MYO1E: variants seen among roughly 807,000 people sequenced by gnomAD.
MYO1E encodes unconventional myosin-Ie.
Under a neutral mutation model 151.1 loss-of-function variants are expected in MYO1E, and 68 were observed. The ratio of observed to expected loss-of-function variants is 0.45; its 90% CI spans 0.37 to 0.55. MYO1E has a LOEUF of 0.55. MYO1E is among the 20% of genes least tolerant of loss of function. The pLI is 0.00. For missense variants in MYO1E, 1,363 were observed against 1,389.3 expected (o/e 0.98, Z 0.30); for synonymous variants, 601 against 501.7 (o/e 1.20, Z -2.64).
intron 26 of MYO1E, among the ~76,000 whole-genome samples, chr15:59,145,718 T>G (rs963337732): frequency 1.3e-5 from 2 of 152,208 alleles, no homozygotes; most frequent in East Asian, 3.9e-4. Flanking sequence ...TCTATGCATT[T>G]GAAGTTATTA....
intron 1 of MYO1E, among the ~76,000 whole-genome samples, chr15:59,274,656 G>A (rs2080307668): frequency 6.6e-6 from 1 of 152,176 alleles, no homozygotes; most frequent in South Asian, 2.1e-4. Context: ...GTGTCATGGT[G>A]CGTATGTTTG....
intron 26 of MYO1E, among the ~76,000 whole-genome samples, chr15:59,149,695 T>C (rs1472547965): frequency 2.0e-5 from 3 of 152,222 alleles, no homozygotes; most frequent in African/African-American, 7.2e-5. Context: ...TTTATCCATA[T>C]TACATGATCC....
At chr15:59,286,481 G>T (rs554540704) in intron 1 of MYO1E, among the ~76,000 whole-genome samples, 1 of 152,172 alleles carries the variant, frequency 6.6e-6, no homozygotes, top group Admixed American at 6.5e-5. Context: ...TAAAGAGTTG[G>T]ATTTTAAGGA....
At chr15:59,153,295 A>C (rs1372688922) in intron 26 of MYO1E, among the ~76,000 whole-genome samples, 1 of 152,250 alleles carries the variant, frequency 6.6e-6, no homozygotes, top group East Asian at 1.9e-4. Context: ...CATGCAAGAA[A>C]GCACAAAGAG....
chr15:59,285,296 T>G (rs1394514899), intron 1 of MYO1E, among the ~76,000 whole-genome samples: 3 of 148,780 alleles, frequency 2.0e-5, no homozygotes, highest in African/African-American at 7.4e-5. Flanking sequence ...GACAGAAAGA[T>G]CACGTAAGGC....
chr15:59,217,857 T>C (rs920243933), intron 10 of MYO1E, 34 bp downstream of exon 10: 9 of 1,607,904 alleles, frequency 5.6e-6, no homozygotes, highest in Non-Finnish European at 7.7e-6. Flanking sequence ...AGCTAAGATA[T>C]GAAGCATCAC....
intron 1 of MYO1E, among the ~76,000 whole-genome samples, chr15:59,363,683 C>T (rs2080897941): frequency 1.3e-5 from 2 of 152,174 alleles, no homozygotes; most frequent in African/African-American, 4.8e-5. Flanking sequence ...AAAACCAACA[C>T]TGGTGCTAGA....
intron 1 of MYO1E, among the ~76,000 whole-genome samples, chr15:59,302,526 G>A (rs1380723576): frequency 1.3e-5 from 2 of 152,160 alleles, no homozygotes; most frequent in African/African-American, 4.8e-5. Flanking sequence ...GAGGCCAGGA[G>A]GAAAAGTTCT....
intron 1 of MYO1E, among the ~76,000 whole-genome samples, chr15:59,351,684 C>G (rs2080824027): frequency 6.6e-6 from 1 of 152,084 alleles, no homozygotes; most frequent in Non-Finnish European, 1.5e-5. Context: ...CACATCCAAA[C>G]TAGGGTGGCC....
At chr15:59,267,964 C>G (rs929124915) in intron 2 of MYO1E, among the ~76,000 whole-genome samples, 1 of 152,060 alleles carries the variant, frequency 6.6e-6, no homozygotes, top group East Asian at 1.9e-4. Flanking sequence ...TGCATTCAGC[C>G]TGAATGCATT....
chr15:59,252,194 G>C (rs529879459), intron 4 of MYO1E, among the ~76,000 whole-genome samples: 2 of 152,038 alleles, frequency 1.3e-5, no homozygotes, highest in Non-Finnish European at 2.9e-5. Context: ...CCCTAGCTTT[G>C]TACTTTTAAA....
In MYO1E at chr15:59,368,565, G is replaced by A. The variant is rs559075785; in HGVS notation, c.3+3933C>T. Among the ~76,000 whole-genome samples the A allele has an allele frequency of 2.6e-5, 4 of 152,008 alleles. No individual in the cohort carries two copies. In the East Asian group the frequency reaches 5.8e-4, roughly 22 times the overall value. ...TTGAGACCAGCCTGGCCAACATAGTGGAACCCCGTCTCCACTAAAAAATAC... is the reference window on the plus strand; with the variant it reads ...TTGAGACCAGCCTGGCCAACATAGTAGAACCCCGTCTCCACTAAAAAATAC... On this transcript the variant is annotated intron_variant, in intron 1 of 27. Transcript: ENST00000288235.
intron 19 of MYO1E, among the ~76,000 whole-genome samples, chr15:59,177,083 G>C (rs1198109598): frequency 6.6e-6 from 1 of 152,196 alleles, no homozygotes; most frequent in African/African-American, 2.4e-5. Flanking sequence ...ATGAAACAAG[G>C]AGTTCTGCAT....
chr15:59,331,110 C>G (rs1042973578), intron 1 of MYO1E, among the ~76,000 whole-genome samples: 1 of 152,136 alleles, frequency 6.6e-6, no homozygotes, highest in Non-Finnish European at 1.5e-5. Flanking sequence ...AAGACAGCCA[C>G]GTGATTTCAT....
chr15:59,313,052 G>C (rs1264753226), intron 1 of MYO1E, among the ~76,000 whole-genome samples: 1 of 152,096 alleles, frequency 6.6e-6, no homozygotes, highest in East Asian at 1.9e-4. Context: ...ATGGGGGTGG[G>C]GCCCAGCAAT....
intron 4 of MYO1E, among the ~76,000 whole-genome samples, chr15:59,239,467 A>G (rs2080087091): frequency 6.6e-6 from 1 of 151,612 alleles, no homozygotes; most frequent in African/African-American, 2.4e-5. Context: ...CCCTATAAGA[A>G]TTATAAAATA....
chr15:59,145,800 T>G (rs1433361904), intron 26 of MYO1E, among the ~76,000 whole-genome samples: 1 of 152,220 alleles, frequency 6.6e-6, no homozygotes, highest in African/African-American at 2.4e-5. Context: ...AACTCCGCAC[T>G]CAGTAGTAGT....
At chr15:59,243,942 T>C (rs142300539) in intron 4 of MYO1E, among the ~76,000 whole-genome samples, 101 of 148,320 alleles carry the variant, frequency 6.8e-4, no homozygotes, top group African/African-American at 2.2e-3. Flanking sequence ...AAGTCGGAGG[T>C]GAAGCACATC....
At chr15:59,220,468 AAAT>A (rs1399758967) in intron 9 of MYO1E, among the ~76,000 whole-genome samples, 2 of 152,188 alleles carry the variant, frequency 1.3e-5, no homozygotes, top group Non-Finnish European at 2.9e-5. Context: ...ACAAAAAACA[AAAT>A]AAAACAAAAA....
Sources: allele counts gnomAD v4.1 joint callset (sites outside exome capture counted in the v4.1 genomes callset), GRCh38; gene constraint gnomAD v4.1.1; transcripts MANE v1.5; gene names NCBI Gene and HGNC (gene_info 2026-07-23, HGNC 2026-07-21).